The following ADCY2 variants were observed in gnomAD, a reference collection of about 807,000 sequenced individuals.
The protein encoded by ADCY2 is adenylate cyclase type 2.
In ADCY2, 31 loss-of-function variants were observed where a neutral mutation model predicts 125.2. That is an observed-to-expected ratio of 0.25 (90% CI 0.19 to 0.33). The LOEUF is 0.33. Among genes scored for constraint, ADCY2 ranks in the 10% least tolerant of loss-of-function variants. ADCY2 has a pLI of 1.00. For synonymous variants in ADCY2, 512 were observed against 548.4 expected (o/e 0.93, Z 0.93); for missense variants, 904 against 1,418.2 (o/e 0.64, Z 5.82).
intron 2 of ADCY2, among the ~76,000 whole-genome samples, chr5:7,425,408 A>T (rs1325912847): frequency 6.6e-6 from 1 of 152,232 alleles, no homozygotes; most frequent in East Asian, 1.9e-4. Context: ...ATCCCAAGAA[A>T]CATTCTTAAG....
chr5:7,414,639 T>G lies in ADCY2; in HGVS notation c.277T>G (p.Phe93Val). 2.5e-6 allele frequency: 4 copies of G among 1,613,928 alleles called. No individual in the cohort carries two copies. The highest frequency in any genetic ancestry group is 3.4e-6 in the Non-Finnish European group (4 of 1,179,972). ...PTALAIFFAI[F>V]ILVCIESVFK... is the part of the protein sequence containing the mutation. The stretch of plus-strand genomic sequence containing the variant: ...TGCCCTGGCGATTTTCTTTGCGATA[T>G]TTATCCTGGTCTGCATCGAGTCTGT... Residue 93 changes from phenylalanine to valine, a missense_variant, in exon 2 of 25, where the codon TTT becomes GTT. Transcript: ENST00000338316.
rs190192148 is a variant in ADCY2 at position 7,665,281 on chromosome 5, C to T, written c.721-25410C>T. Among the ~76,000 whole-genome samples the T allele has an allele frequency of 4.4e-4, 67 of 152,290 alleles. 1 individual carries two copies. Among genetic ancestry groups the T allele is most frequent in the Non-Finnish European group, 6.0e-4 (41 of 68,024 alleles). ...TTAAAGGCAGCAGTGATCACAGCTG[C>T]CGCCTGGATGTCCCAGTTGTCCATC... is the stretch of plus-strand genomic sequence containing the variant. On this transcript the variant is annotated intron_variant, in intron 4 of 24. Coordinates refer to ENST00000338316, the MANE Select transcript of ADCY2 (RefSeq NM_020546.3).
intron 14 of ADCY2, among the ~76,000 whole-genome samples, chr5:7,731,274 G>A (rs1361216628): frequency 7.6e-6 from 1 of 131,428 alleles, no homozygotes; most frequent in Admixed American, 7.9e-5. Flanking sequence ...TTTTTTTGAT[G>A]GAGTCTTGCT....
rs374187517 is a variant in ADCY2, at chr5:7,507,461, A to AAAAAAAAAAAT, written c.409-13277_409-13276insAAAAAAAAAAT. 1.5e-3 allele frequency among the ~76,000 whole-genome samples: 167 copies of AAAAAAAAAAAT among 114,072 alleles called. 17 individuals are homozygous for AAAAAAAAAAAT. The highest frequency in any genetic ancestry group is 8.9e-3 in the Middle Eastern group (2 of 224). The allele number at this position is 114,072 out of a possible 152,430, so 74.8% of individuals were successfully genotyped here. On this transcript the variant is annotated intron_variant, in intron 2 of 24. Transcript: ENST00000338316. ...GTCTCAAAAAAAAAAAAAAAAAAAA[A>AAAAAAAAAAAT]GGTAACAAAGCCACTTTTGTAAAAA...
Position 7,804,555 on chromosome 5 carries a change from A to T in ADCY2, c.2776-30A>T, listed in dbSNP as rs192420939. ...TCAGCTTCAGGTCAGCATCCAGCTGAGTAACTGGACGGTTGTCATTGCTTC... is the reference window on the plus strand; with the variant it reads ...TCAGCTTCAGGTCAGCATCCAGCTGTGTAACTGGACGGTTGTCATTGCTTC... On this transcript the variant is annotated intron_variant, in intron 21 of 24. Coordinates refer to ENST00000338316, the MANE Select transcript of ADCY2 (RefSeq NM_020546.3). 1.3e-4 allele frequency: 205 copies of T among 1,533,658 alleles called. No individual in the cohort carries two copies. In the East Asian group the frequency reaches 4.2e-3, roughly 31 times the overall value.
chr5:7,471,404 C>A (rs916419656), intron 2 of ADCY2, among the ~76,000 whole-genome samples: 3 of 151,656 alleles, frequency 2.0e-5, no homozygotes, highest in Non-Finnish European at 3.0e-5. Flanking sequence ...ATTATTTATA[C>A]CTCTTAAAAT....
chr5:7,754,148 G>C (rs1016820812), intron 15 of ADCY2, among the ~76,000 whole-genome samples: 1 of 152,068 alleles, frequency 6.6e-6, no homozygotes, highest in African/African-American at 2.4e-5. Flanking sequence ...CATGTCACAC[G>C]AACAGAAAAA....
chr5:7,403,937 T>TACAC (rs370540720), intron 1 of ADCY2, among the ~76,000 whole-genome samples: 12,932 of 140,420 alleles, frequency 0.092, 574 homozygotes, highest in African/African-American at 0.1. Context: ...CTTTCAATGC[T>TACAC]ACACACACAC....
intron 3 of ADCY2, among the ~76,000 whole-genome samples, chr5:7,600,135 G>A (rs1579616879): frequency 6.6e-6 from 1 of 152,156 alleles, no homozygotes; most frequent in East Asian, 1.9e-4. Flanking sequence ...AGGAAATATG[G>A]TGCACACCTG....
chr5:7,473,080 C>T (rs926863098), intron 2 of ADCY2, among the ~76,000 whole-genome samples: 4 of 151,884 alleles, frequency 2.6e-5, no homozygotes, highest in Admixed American at 6.6e-5. Flanking sequence ...AGTGGTCCTG[C>T]ACCTCCCCCA....
At chr5:7,773,429 C>T (rs926190997) in intron 18 of ADCY2, among the ~76,000 whole-genome samples, 5 of 152,032 alleles carry the variant, frequency 3.3e-5, no homozygotes, top group East Asian at 3.9e-4. Context: ...CTGTTGCGGG[C>T]GCCGTCCTGT....
At chr5:7,539,628 C>A (rs552428879) in intron 3 of ADCY2, among the ~76,000 whole-genome samples, 2 of 152,296 alleles carry the variant, frequency 1.3e-5, no homozygotes, top group African/African-American at 4.8e-5. Flanking sequence ...TTATGAGCAG[C>A]AATGGAAGAT....
intron 2 of ADCY2, among the ~76,000 whole-genome samples, chr5:7,500,877 G>A (rs997916275): frequency 5.3e-5 from 8 of 152,034 alleles, no homozygotes; most frequent in South Asian, 2.1e-4. Flanking sequence ...AAAGAAACTG[G>A]GATCCTTGCA....
At chr5:7,551,280 A>G (rs912677519) in intron 3 of ADCY2, among the ~76,000 whole-genome samples, 1 of 152,156 alleles carries the variant, frequency 6.6e-6, no homozygotes, top group Non-Finnish European at 1.5e-5. Context: ...TTCTGAGTTC[A>G]TGACAGTTAG....
At chr5:7,634,705 T>G (rs1738433373) in intron 4 of ADCY2, among the ~76,000 whole-genome samples, 5 of 148,742 alleles carry the variant, frequency 3.4e-5, no homozygotes, top group Admixed American at 3.3e-4. Context: ...ATTTACAGGT[T>G]TTTTTTTTTT....
intron 3 of ADCY2, among the ~76,000 whole-genome samples, chr5:7,557,943 G>A (rs985414994): frequency 1.3e-5 from 2 of 152,148 alleles, no homozygotes; most frequent in African/African-American, 4.8e-5. Flanking sequence ...TTGCAGAATT[G>A]CCACATTGTC....
At chr5:7,616,956 G>C (rs1004600755) in intron 3 of ADCY2, among the ~76,000 whole-genome samples, 1 of 152,048 alleles carries the variant, frequency 6.6e-6, no homozygotes, top group East Asian at 1.9e-4. Flanking sequence ...GACCCTGTGA[G>C]GTCACTGAAT....
chr5:7,519,024 T>G (rs1744349709), intron 2 of ADCY2, among the ~76,000 whole-genome samples: 1 of 152,168 alleles, frequency 6.6e-6, no homozygotes, highest in South Asian at 2.1e-4. Flanking sequence ...TCAGCAAGCC[T>G]ATTCCAAAAA....
intron 19 of ADCY2, among the ~76,000 whole-genome samples, chr5:7,785,911 G>C (rs1744071031): frequency 6.6e-6 from 1 of 152,102 alleles, no homozygotes; most frequent in African/African-American, 2.4e-5. Flanking sequence ...ACATAATTAT[G>C]GTTAAGTCCA....
Sources: allele counts gnomAD v4.1 joint callset (sites outside exome capture counted in the v4.1 genomes callset), GRCh38; gene constraint gnomAD v4.1.1; transcripts MANE v1.5; gene names NCBI Gene and HGNC (gene_info 2026-07-23, HGNC 2026-07-21).